AUTS2: variants seen among roughly 807,000 people sequenced by gnomAD.
AUTS2 encodes the protein autism susceptibility gene 2 protein.
In AUTS2, 17 loss-of-function variants were observed where a neutral mutation model predicts 112.4. The observed-to-expected ratio is 0.15, with a 90% CI of 0.10 to 0.23. The LOEUF (loss-of-function observed/expected upper bound fraction) is 0.23. AUTS2 is among the 10% of genes least tolerant of loss of function. AUTS2 has a pLI of 1.00. For synonymous variants in AUTS2, 751 were observed against 702.7 expected, an observed-to-expected ratio of 1.07 and a Z score of -1.09; for missense variants, 1,510 against 1,701.6, an observed-to-expected ratio of 0.89 and a Z score of 1.98.
At chr7:70,445,528 T>C (rs1479549226) in intron 5 of AUTS2, among the ~76,000 whole-genome samples, 2 of 152,182 alleles carry the variant, frequency 1.3e-5, no homozygotes, top group Non-Finnish European at 2.9e-5. Context: ...CAACTTAGAT[T>C]GTACAGGCTC....
rs1281916030 is a variant in AUTS2, at chr7:70,792,096, A to ATGTT, written c.*1102_*1105dup. On this transcript the variant is annotated 3_prime_UTR_variant, in exon 19 of 19. Transcript: ENST00000342771. ...CTTCAAGTTTTCTCAGATGATGGAT[A>ATGTT]TGTTTTCACTGTATTCAATAACTGA... is the stretch of plus-strand genomic sequence containing the variant. 2 of 152,624 alleles carry ATGTT rather than the reference A, an allele frequency of 1.3e-5. No homozygotes were observed. 9.5% of individuals were successfully genotyped at this position (152,624 alleles called of 1,614,324 possible).
rs898502866 is a variant in AUTS2, at chr7:69,923,836, G to GT, written c.522+24346dup. Reference sequence around the variant, plus strand: ...CTAAACTCACTTATTAGTTCTAGTAGTTTTTTTTGTAGGTCTTACTGGATT... The same window carrying GT: ...CTAAACTCACTTATTAGTTCTAGTAGTTTTTTTTTGTAGGTCTTACTGGATT... On this transcript the variant is annotated intron_variant, in intron 2 of 18. Coordinates refer to ENST00000342771, the MANE Select transcript of AUTS2 (RefSeq NM_015570.4). Among the ~76,000 whole-genome samples, 150 of 152,044 alleles carry GT rather than the reference G, an allele frequency of 9.9e-4. 4 individuals carry two copies. The highest frequency in any genetic ancestry group is 3.3e-3 in the African/African-American group (136 of 41,510).
chr7:70,319,294 C>T (rs1044207340), intron 4 of AUTS2, among the ~76,000 whole-genome samples: 12 of 151,978 alleles, frequency 7.9e-5, no homozygotes, highest in Non-Finnish European at 1.5e-4. Flanking sequence ...GAGGGATTTG[C>T]GAGTTGGGGG....
In AUTS2 at chr7:70,507,390, AAAAG is replaced by A. The variant is rs796430941; in HGVS notation, c.690+71616_690+71619del. 2.9e-4 allele frequency among the ~76,000 whole-genome samples: 44 copies of A among 152,126 alleles called. 1 individual carries two copies. Among genetic ancestry groups the A allele is most frequent in the African/African-American group, 1.0e-3 (42 of 41,494 alleles). ...TACAAAAATTTTTAAAATTAGAAAA[AAAAG>A]AAAGAATACCATATCTGAGGTGCAG... On this transcript the variant is annotated intron_variant, in intron 5 of 18. Coordinates refer to ENST00000342771, the MANE Select transcript of AUTS2 (RefSeq NM_015570.4).
intron 4 of AUTS2, among the ~76,000 whole-genome samples, chr7:70,412,146 C>T (rs1349826517): frequency 6.6e-5 from 10 of 152,010 alleles, no homozygotes; most frequent in East Asian, 5.8e-4. Context: ...CCACCTGCCT[C>T]GGCCTCCCAA....
At chr7:69,802,684 C>T (rs1057346904) in intron 1 of AUTS2, among the ~76,000 whole-genome samples, 1 of 152,176 alleles carries the variant, frequency 6.6e-6, no homozygotes, top group African/African-American at 2.4e-5. Context: ...TTGGTCAAAG[C>T]ACCTGACTTT....
At chr7:70,272,040 C>T (rs1787718172) in intron 4 of AUTS2, among the ~76,000 whole-genome samples, 1 of 152,152 alleles carries the variant, frequency 6.6e-6, no homozygotes, top group South Asian at 2.1e-4. Context: ...GAGATTGAGC[C>T]TGCGTCTCTC....
chr7:70,134,345 G>A (rs371518317), intron 3 of AUTS2, among the ~76,000 whole-genome samples, 191 bp from the exon 4 acceptor site: 1 of 152,156 alleles, frequency 6.6e-6, no homozygotes. Context: ...TCTCTGAGTT[G>A]TTGAGAGATG....
intron 4 of AUTS2, among the ~76,000 whole-genome samples, chr7:70,417,272 C>G (rs569044540): frequency 6.6e-6 from 1 of 152,146 alleles, no homozygotes; most frequent in Non-Finnish European, 1.5e-5. Context: ...GCAGAGGCAG[C>G]GGGAGAGGAA....
chr7:69,822,531 G>A (rs781544004), intron 1 of AUTS2, among the ~76,000 whole-genome samples: 6 of 152,206 alleles, frequency 3.9e-5, no homozygotes, highest in Non-Finnish European at 5.9e-5. Context: ...AGACTTTGGC[G>A]AATAGAATGA....
chr7:70,341,851 A>G (rs1293098381), intron 4 of AUTS2, among the ~76,000 whole-genome samples: 1 of 152,236 alleles, frequency 6.6e-6, no homozygotes, highest in East Asian at 1.9e-4. Flanking sequence ...TTGCAGTGCA[A>G]GTTTGGCTGG....
At chr7:70,446,600 G>A (rs1386261085) in intron 5 of AUTS2, among the ~76,000 whole-genome samples, 1 of 152,200 alleles carries the variant, frequency 6.6e-6, no homozygotes, top group Non-Finnish European at 1.5e-5. Flanking sequence ...GTCAGCTCGG[G>A]TTAGGAGGCA....
intron 1 of AUTS2, among the ~76,000 whole-genome samples, chr7:69,714,293 A>G (rs1562830579): frequency 7.8e-6 from 1 of 128,804 alleles, no homozygotes; most frequent in African/African-American, 3.4e-5. Context: ...GTGTGTGTAG[A>G]GACCAAGTCT....
chr7:70,637,196 T>C (rs1246602121), intron 5 of AUTS2, among the ~76,000 whole-genome samples: 1 of 152,234 alleles, frequency 6.6e-6, no homozygotes, highest in Non-Finnish European at 1.5e-5. Context: ...TTAACCATTA[T>C]GCTTTTTAAA....
chr7:69,812,343 A>G (rs916581904), intron 1 of AUTS2, among the ~76,000 whole-genome samples: 1 of 152,192 alleles, frequency 6.6e-6, no homozygotes, highest in Non-Finnish European at 1.5e-5. Flanking sequence ...TATTGGCAAG[A>G]TGGGAGTAGG....
chr7:70,565,235 TTATC>T (rs1255595918), intron 5 of AUTS2, among the ~76,000 whole-genome samples: 1 of 152,224 alleles, frequency 6.6e-6, no homozygotes, highest in East Asian at 1.9e-4. Context: ...TGTTTTAAAA[TTATC>T]TGGAAAGGTG....
chr7:70,773,682 CA>C (rs1011326738), intron 11 of AUTS2, among the ~76,000 whole-genome samples: 1 of 152,084 alleles, frequency 6.6e-6, no homozygotes, highest in African/African-American at 2.4e-5. Context: ...GGTGATTAAG[CA>C]AAAAAACAGT....
intron 4 of AUTS2, among the ~76,000 whole-genome samples, chr7:70,311,088 A>G (rs1159992971): frequency 2.6e-5 from 4 of 152,292 alleles, no homozygotes; most frequent in South Asian, 4.1e-4. Flanking sequence ...CTATGTCCCT[A>G]TAAGTGTGCT....
chr7:70,489,115 T>C (rs1025375835), intron 5 of AUTS2, among the ~76,000 whole-genome samples: 2 of 152,160 alleles, frequency 1.3e-5, no homozygotes, highest in African/African-American at 4.8e-5. Flanking sequence ...CACAGATACA[T>C]TGAGACCCCA....
Sources: allele counts gnomAD v4.1 joint callset (sites outside exome capture counted in the v4.1 genomes callset), GRCh38; gene constraint gnomAD v4.1.1; transcripts MANE v1.5; gene names NCBI Gene and HGNC (gene_info 2026-07-23, HGNC 2026-07-21).